Variants in KIF16B observed in about 807,000 individuals in gnomAD.
KIF16B encodes the protein kinesin family member 16B, also known as kinesin-like protein KIF16B.
In KIF16B, 98 loss-of-function variants were observed where a neutral mutation model predicts 156.3. The observed-to-expected ratio is 0.63, with a 90% CI of 0.53 to 0.74. The LOEUF (loss-of-function observed/expected upper bound fraction) is 0.74, where lower values mean the gene tolerates loss of function less well. Among genes scored for constraint, KIF16B ranks in the 30% least tolerant of loss-of-function variants. The pLI, the probability that KIF16B is intolerant of heterozygous loss-of-function variation, is 0.00. For missense variants in KIF16B, 1,421 were observed against 1,606.5 expected (o/e 0.88, Z 1.97); for synonymous variants, 564 against 583.7 (o/e 0.97, Z 0.49).
At chr20:16,288,808 G>A (rs1216076824) in intron 25 of KIF16B, among the ~76,000 whole-genome samples, 1 of 151,956 alleles carries the variant, frequency 6.6e-6, no homozygotes, top group African/African-American at 2.4e-5. Context: ...AACACAGTAT[G>A]TACTGGTGAT....
intron 22 of KIF16B, chr20:16,367,757 G>T: frequency 6.2e-7 from 1 of 1,612,604 alleles, no homozygotes; most frequent in Non-Finnish European, 8.5e-7. Flanking sequence ...TCTTGCTGGA[G>T]CAAGGGATGA....
intron 24 of KIF16B, among the ~76,000 whole-genome samples, chr20:16,320,380 T>A (rs941287624): frequency 6.6e-6 from 1 of 151,362 alleles, no homozygotes; most frequent in Admixed American, 6.6e-5. Context: ...AAAAAAACTT[T>A]AAAAAAATCA....
At chr20:16,372,231 G>A (rs1031419839) in intron 20 of KIF16B, among the ~76,000 whole-genome samples, 4 of 152,144 alleles carry the variant, frequency 2.6e-5, no homozygotes, top group African/African-American at 9.7e-5. Flanking sequence ...AAAATAATAA[G>A]CAAGAAATGG....
At chr20:16,429,806 G>A in intron 13 of KIF16B, 57 bp downstream of exon 13, 1 of 1,447,466 alleles carries the variant, frequency 6.9e-7, no homozygotes, top group Non-Finnish European at 9.5e-7. Flanking sequence ...AACCTAGTTA[G>A]TGTCTAATGG....
At chr20:16,405,035 GTCTA>G (rs1278666457) in intron 16 of KIF16B, 134 bp from the exon 17 acceptor site, 6 of 650,956 alleles carry the variant, frequency 9.2e-6, no homozygotes, top group African/African-American at 1.8e-5. Flanking sequence ...CAATTAACTG[GTCTA>G]TCTGAGGAAA....
At chr20:16,447,384 T>G (rs2066963156) in intron 12 of KIF16B, among the ~76,000 whole-genome samples, 1 of 151,926 alleles carries the variant, frequency 6.6e-6, no homozygotes, top group African/African-American at 2.4e-5. Flanking sequence ...CTGCAGATCG[T>G]GGGGCGTGGG....
intron 25 of KIF16B, among the ~76,000 whole-genome samples, chr20:16,275,550 A>T (rs1402913016): frequency 1.3e-5 from 2 of 152,214 alleles, no homozygotes; most frequent in Admixed American, 1.3e-4. Flanking sequence ...AGCTATTGCC[A>T]GGAGAGGTGA....
At chr20:16,365,949 C>T (rs2064655137) in intron 22 of KIF16B, among the ~76,000 whole-genome samples, 1 of 152,114 alleles carries the variant, frequency 6.6e-6, no homozygotes, top group South Asian at 2.1e-4. Context: ...ACGTCTCCTT[C>T]CTTCTGAGAA....
intron 17 of KIF16B, among the ~76,000 whole-genome samples, chr20:16,384,335 C>T (rs1471682522): frequency 1.3e-5 from 2 of 152,050 alleles, no homozygotes. Flanking sequence ...GGGTACTGAC[C>T]CCAGAATTTG....
At chr20:16,309,811 G>A (rs2122687851) in intron 25 of KIF16B, among the ~76,000 whole-genome samples, 1 of 152,210 alleles carries the variant, frequency 6.6e-6, no homozygotes, top group Non-Finnish European at 1.5e-5. Flanking sequence ...ATCCATATGT[G>A]TTTATGTATT....
At chr20:16,567,554 C>G (rs1246268979) in intron 1 of KIF16B, among the ~76,000 whole-genome samples, 1 of 152,156 alleles carries the variant, frequency 6.6e-6, no homozygotes, top group East Asian at 1.9e-4. Flanking sequence ...TGAAGGGAAC[C>G]GAAGCAGCTG....
intron 17 of KIF16B, among the ~76,000 whole-genome samples, chr20:16,386,501 T>C (rs2065233463): frequency 6.6e-6 from 1 of 151,724 alleles, no homozygotes; most frequent in Non-Finnish European, 1.5e-5. Context: ...CTGGAGATGG[T>C]GAATGTAAAT....
chr20:16,393,517 T>C (rs1382461798), intron 17 of KIF16B, among the ~76,000 whole-genome samples: 3 of 152,220 alleles, frequency 2.0e-5, no homozygotes, highest in African/African-American at 7.2e-5. Flanking sequence ...TTAAGAGTCA[T>C]GGTCTGTGAT....
chr20:16,498,869 T>G (rs1249620730), intron 10 of KIF16B, among the ~76,000 whole-genome samples: 2 of 150,970 alleles, frequency 1.3e-5, no homozygotes, highest in Non-Finnish European at 3.0e-5. Flanking sequence ...AATGACTATT[T>G]ACTTTTCAAT....
intron 15 of KIF16B, among the ~76,000 whole-genome samples, chr20:16,425,269 A>G (rs2066323926): frequency 6.6e-6 from 1 of 152,154 alleles, no homozygotes; most frequent in Non-Finnish European, 1.5e-5. Flanking sequence ...GAAGAAACTC[A>G]CAGTGGCCAA....
intron 22 of KIF16B, chr20:16,367,859 C>T (rs367969659): frequency 4.4e-6 from 7 of 1,581,556 alleles, no homozygotes; most frequent in South Asian, 1.2e-5. Context: ...TAACTGAATA[C>T]AGTGAGCAGA....
chr20:16,316,542 T>G (rs915524319), intron 24 of KIF16B, among the ~76,000 whole-genome samples: 1 of 152,020 alleles, frequency 6.6e-6, no homozygotes, highest in African/African-American at 2.4e-5. Flanking sequence ...TCAGCTCAAA[T>G]AAAGGAGTCT....
At chr20:16,326,074 G>T (rs1002177832) in intron 24 of KIF16B, among the ~76,000 whole-genome samples, 5 of 152,184 alleles carry the variant, frequency 3.3e-5, no homozygotes, top group African/African-American at 1.2e-4. Context: ...AACAAATGGG[G>T]CTGGGATAAT....
chr20:16,275,302 C>A (rs1393790326), intron 25 of KIF16B, among the ~76,000 whole-genome samples: 2 of 152,198 alleles, frequency 1.3e-5, no homozygotes, highest in African/African-American at 4.8e-5. Context: ...ATGATCCACC[C>A]CCCTTGGCCT....
Sources: allele counts gnomAD v4.1 joint callset (sites outside exome capture counted in the v4.1 genomes callset), GRCh38; gene constraint gnomAD v4.1.1; transcripts MANE v1.5; gene names NCBI Gene and HGNC (gene_info 2026-07-23, HGNC 2026-07-21).